Variants in PRKCB observed in about 807,000 individuals in gnomAD.
PRKCB encodes the protein protein kinase C beta.
Under a neutral mutation model 81.5 loss-of-function variants are expected in PRKCB, and 13 were observed. That is an observed-to-expected ratio of 0.16 (90% confidence interval 0.10 to 0.25). The LOEUF is 0.25. Among genes scored for constraint, PRKCB ranks in the 10% least tolerant of loss-of-function variants. PRKCB has a pLI of 1.00. For synonymous variants in PRKCB, 335 were observed against 321.4 expected (o/e 1.04, Z -0.45); for missense variants, 509 against 875.7 (o/e 0.58, Z 5.29).
intron 2 of PRKCB, among the ~76,000 whole-genome samples, chr16:23,905,450 C>T (rs1963544237): frequency 6.6e-6 from 1 of 152,144 alleles, no homozygotes; most frequent in African/African-American, 2.4e-5. Context: ...TAACAGGATG[C>T]CTGGTTCAGT....
chr16:23,979,824 T>C (rs1964671431), intron 2 of PRKCB, among the ~76,000 whole-genome samples: 1 of 152,222 alleles, frequency 6.6e-6, no homozygotes, highest in South Asian at 2.1e-4. Context: ...CGAGCATCAG[T>C]GTCCCTGTTA....
chr16:24,140,121 T>A (rs1457063696), intron 9 of PRKCB, among the ~76,000 whole-genome samples: 1 of 152,260 alleles, frequency 6.6e-6, no homozygotes, highest in Non-Finnish European at 1.5e-5. Flanking sequence ...CGCATCAGAC[T>A]GATGTGGCCA....
intron 5 of PRKCB, among the ~76,000 whole-genome samples, chr16:24,071,078 A>T (rs534970866): frequency 1.3e-4 from 20 of 152,238 alleles, no homozygotes; most frequent in Non-Finnish European, 2.8e-4. Flanking sequence ...AGGGAGCTCA[A>T]AGCCCCCCTC....
chr16:23,894,791 T>C (rs553429531), intron 2 of PRKCB, among the ~76,000 whole-genome samples: 40 of 152,370 alleles, frequency 2.6e-4, no homozygotes, highest in African/African-American at 8.7e-4. Flanking sequence ...TCTGACATTA[T>C]GTTGTTGGGT....
At chr16:24,037,577 C>A (rs554050773) in intron 5 of PRKCB, among the ~76,000 whole-genome samples, 55 of 152,208 alleles carry the variant, frequency 3.6e-4, no homozygotes, top group South Asian at 2.5e-3. Flanking sequence ...AGTTTAGTTT[C>A]GTTTCGTTTC....
At chr16:23,964,603 C>T (rs1964464221) in intron 2 of PRKCB, among the ~76,000 whole-genome samples, 1 of 151,900 alleles carries the variant, frequency 6.6e-6, no homozygotes, top group Non-Finnish European at 1.5e-5. Flanking sequence ...ATTGTTATCC[C>T]TGTCCTAGAG....
At chr16:24,152,008 G>C (rs193118332) in intron 9 of PRKCB, among the ~76,000 whole-genome samples, 2 of 152,046 alleles carry the variant, frequency 1.3e-5, no homozygotes, top group Admixed American at 1.3e-4. Context: ...TCCTTCTCTC[G>C]TTTTGGTTGG....
chr16:23,881,025 CTCTG>C (rs1567300517), intron 2 of PRKCB, among the ~76,000 whole-genome samples: 3 of 152,108 alleles, frequency 2.0e-5, no homozygotes, highest in African/African-American at 7.2e-5. Flanking sequence ...ACAAGCAGTG[CTCTG>C]ATGAAACACC....
intron 16 of PRKCB, chr16:24,203,369 A>T (rs540679271): frequency 6.6e-6 from 1 of 152,102 alleles, no homozygotes; most frequent in Admixed American, 6.6e-5. Context: ...GCTGCATAGT[A>T]ACCTGATAGA....
At chr16:24,106,854 A>T (rs1008366643) in intron 7 of PRKCB, among the ~76,000 whole-genome samples, 6 of 151,916 alleles carry the variant, frequency 3.9e-5, no homozygotes, top group Non-Finnish European at 8.8e-5. Flanking sequence ...TTTCTTATTG[A>T]CTTGTAAGAA....
chr16:24,000,483 C>A (rs1310027605), intron 3 of PRKCB, among the ~76,000 whole-genome samples: 3 of 152,188 alleles, frequency 2.0e-5, no homozygotes, highest in Non-Finnish European at 4.4e-5. Flanking sequence ...AAAACTTGGG[C>A]ATGTCGTTCG....
intron 9 of PRKCB, among the ~76,000 whole-genome samples, chr16:24,151,417 C>A (rs765207463): frequency 6.6e-6 from 1 of 152,162 alleles, no homozygotes; most frequent in Non-Finnish European, 1.5e-5. Flanking sequence ...TGAAATGTGA[C>A]TAGATTTTTA....
At chr16:23,917,766 G>A (rs556206362) in intron 2 of PRKCB, among the ~76,000 whole-genome samples, 5 of 152,316 alleles carry the variant, frequency 3.3e-5, no homozygotes, top group Admixed American at 6.5e-5. Context: ...CCCAGAGAGA[G>A]GATCAGATGT....
chr16:23,911,102 T>C (rs1051220043), intron 2 of PRKCB, among the ~76,000 whole-genome samples: 1 of 136,292 alleles, frequency 7.3e-6, no homozygotes, highest in African/African-American at 2.6e-5. Context: ...TTTTGGCTGT[T>C]ATAAATAGCC....
chr16:24,062,864 C>T (rs922606898), intron 5 of PRKCB, among the ~76,000 whole-genome samples: 4 of 152,006 alleles, frequency 2.6e-5, no homozygotes, highest in Non-Finnish European at 5.9e-5. Flanking sequence ...CCCATCCACT[C>T]TGTGATCTTC....
chr16:23,923,169 G>T (rs902884643), intron 2 of PRKCB, among the ~76,000 whole-genome samples: 10 of 152,068 alleles, frequency 6.6e-5, no homozygotes, highest in African/African-American at 2.4e-4. Context: ...GCTTAATTCA[G>T]AAGGGAATTT....
chr16:23,879,668 A>G (rs1487450961), intron 2 of PRKCB, among the ~76,000 whole-genome samples: 1 of 151,610 alleles, frequency 6.6e-6, no homozygotes, highest in East Asian at 1.9e-4. Context: ...TAAGTTTTGT[A>G]TTTTTAGTAG....
chr16:24,070,212 G>A (rs112443038), intron 5 of PRKCB, among the ~76,000 whole-genome samples: 15 of 150,226 alleles, frequency 1.0e-4, no homozygotes, highest in African/African-American at 2.7e-4. Flanking sequence ...GCAGTGGCAC[G>A]ATCTTGGCTC....
intron 2 of PRKCB, among the ~76,000 whole-genome samples, chr16:23,967,715 C>A (rs532923295): frequency 3.9e-5 from 6 of 152,124 alleles, no homozygotes; most frequent in African/African-American, 1.4e-4. Flanking sequence ...TGCAATGGCA[C>A]AACCCCGGCC....
Sources: gnomAD v4.1 joint callset for allele counts (sites outside exome capture counted in the v4.1 genomes callset) on GRCh38, gnomAD v4.1.1 for gene constraint, MANE v1.5 for transcripts, NCBI Gene and HGNC (gene_info 2026-07-23, HGNC 2026-07-21) for gene names.